Variants in FAM83B observed in about 807,000 individuals in gnomAD.
The protein encoded by FAM83B is scaffolding CK1 anchoring protein B.
Under a neutral mutation model 38.8 loss-of-function variants are expected in FAM83B, and 26 were observed. The ratio of observed to expected loss-of-function variants is 0.67; its 90% CI spans 0.49 to 0.93. FAM83B has a LOEUF of 0.93. FAM83B is among the 40% of genes least tolerant of loss of function. FAM83B has a pLI of 0.00. For missense variants in FAM83B, 1,237 were observed against 1,197.3 expected (o/e 1.03, Z -0.49); for synonymous variants, 419 against 423.1 (o/e 0.99, Z 0.12).
intron 2 of FAM83B, among the ~76,000 whole-genome samples, chr6:54,897,377 A>T (rs1169017403): frequency 1.3e-5 from 2 of 152,192 alleles, no homozygotes; most frequent in Non-Finnish European, 2.9e-5. Context: ...TTTAAATGTT[A>T]CAAATAGGAA....
At chr6:54,873,724 G>A (rs1771921603) in intron 2 of FAM83B, among the ~76,000 whole-genome samples, 1 of 150,292 alleles carries the variant, frequency 6.7e-6, no homozygotes, top group African/African-American at 2.4e-5. Context: ...ATATCTCAGG[G>A]AGAATCTTTT....
intron 2 of FAM83B, among the ~76,000 whole-genome samples, chr6:54,871,919 C>G (rs6937970): frequency 0.37 from 56,036 of 151,834 alleles, 12,620 homozygotes; most frequent in Non-Finnish European, 0.51. Flanking sequence ...CACAGAAATG[C>G]TTGCAAGAGT....
intron 2 of FAM83B, among the ~76,000 whole-genome samples, chr6:54,891,451 A>G (rs570091594): frequency 3.3e-5 from 5 of 152,240 alleles, no homozygotes; most frequent in African/African-American, 1.2e-4. Flanking sequence ...AATGTTTTAA[A>G]GACTTTTAGC....
chr6:54,883,186 G>T (rs894381671), intron 2 of FAM83B, among the ~76,000 whole-genome samples: 1 of 151,858 alleles, frequency 6.6e-6, no homozygotes, highest in Non-Finnish European at 1.5e-5. Flanking sequence ...CTTGTGATCC[G>T]CCCACCTTGG....
chr6:54,899,043 C>G (rs1176627491), intron 2 of FAM83B, among the ~76,000 whole-genome samples: 1 of 152,136 alleles, frequency 6.6e-6, no homozygotes, highest in Non-Finnish European at 1.5e-5. Flanking sequence ...GCCTGTTGCT[C>G]CAGCTAGACT....
chr6:54,896,386 A>C (rs554639812), intron 2 of FAM83B, among the ~76,000 whole-genome samples: 174 of 152,296 alleles, frequency 1.1e-3, no homozygotes, highest in African/African-American at 4.0e-3. Flanking sequence ...AGACATGCAA[A>C]GCTTGTTGGT....
At chr6:54,850,748 T>G (rs1259524467) in intron 1 of FAM83B, among the ~76,000 whole-genome samples, 1 of 152,060 alleles carries the variant, frequency 6.6e-6, no homozygotes, top group South Asian at 2.1e-4. Context: ...CGGCTGGAAA[T>G]AGTGGCTCAC....
intron 2 of FAM83B, among the ~76,000 whole-genome samples, chr6:54,890,650 C>T (rs1290310716): frequency 6.6e-6 from 1 of 151,892 alleles, no homozygotes; most frequent in Non-Finnish European, 1.5e-5. Flanking sequence ...CATTCCCTGC[C>T]CTCCCCTCAT....
chr6:54,874,619 T>G (rs1051385661), intron 2 of FAM83B, among the ~76,000 whole-genome samples: 1 of 152,186 alleles, frequency 6.6e-6, no homozygotes, highest in African/African-American at 2.4e-5. Context: ...CATTAAAGTT[T>G]TTTTTTCCTA....
rs934224476 is a variant in FAM83B at position 54,927,162 on chromosome 6, C to T, written c.610-346C>T. On this transcript the variant is annotated intron_variant, in intron 3 of 4. Coordinates refer to ENST00000306858, the MANE Select transcript of FAM83B (RefSeq NM_001010872.3). The stretch of plus-strand genomic sequence containing the variant: ...TGTATTGCTTATTAGAATCATTTCA[C>T]GTAGTATTTTCTGTTACTTTTGACT... 7.9e-5 allele frequency among the ~76,000 whole-genome samples: 12 copies of T among 152,202 alleles called. No individual in the cohort carries two copies. The East Asian group carries it at 1.2e-3, about 15-fold the overall frequency.
chr6:54,859,928 T>G (rs974225873), intron 1 of FAM83B, among the ~76,000 whole-genome samples: 14 of 152,164 alleles, frequency 9.2e-5, no homozygotes, highest in African/African-American at 2.9e-4. Flanking sequence ...TAAAAAATCT[T>G]TCCCCATTGC....
chr6:54,883,409 A>T (rs965349588), intron 2 of FAM83B, among the ~76,000 whole-genome samples: 3 of 145,616 alleles, frequency 2.1e-5, no homozygotes, highest in African/African-American at 7.7e-5. Flanking sequence ...ATCTTGGCTC[A>T]ACGCAACCTC....
intron 2 of FAM83B, among the ~76,000 whole-genome samples, chr6:54,879,546 G>A (rs1772076612): frequency 6.6e-6 from 1 of 152,150 alleles, no homozygotes; most frequent in Admixed American, 6.5e-5. Context: ...GGATAGTTTT[G>A]ATAAGTAGGA....
chr6:54,921,718 A>G (rs1256514472), intron 2 of FAM83B, among the ~76,000 whole-genome samples: 1 of 152,038 alleles, frequency 6.6e-6, no homozygotes, highest in African/African-American at 2.4e-5. Flanking sequence ...ACCTTTTGAA[A>G]AGCCTTATAC....
rs1452070924 is a variant in FAM83B, at chr6:54,943,855, A to C, written c.*1848A>C. 1.3e-5 allele frequency: 2 copies of C among 152,214 alleles called. No homozygotes were observed. 9.4% of individuals were successfully genotyped at this position (152,214 alleles called of 1,614,324 possible). On this transcript the variant is annotated 3_prime_UTR_variant, in exon 5 of 5. Transcript: ENST00000306858. Reference sequence around the variant, plus strand: ...AAAGAGTAGAAGTTTAATCATGTTTAATTACAACCAAAAGCCTGTTGCCTT... The same window carrying C: ...AAAGAGTAGAAGTTTAATCATGTTTCATTACAACCAAAAGCCTGTTGCCTT...
chr6:54,902,002 T>C (rs1354305748), intron 2 of FAM83B, among the ~76,000 whole-genome samples: 4 of 152,182 alleles, frequency 2.6e-5, no homozygotes, highest in African/African-American at 9.6e-5. Context: ...GCTATTTGCC[T>C]GAAACACTTT....
At chr6:54,867,642 T>A (rs1771742751) in intron 1 of FAM83B, among the ~76,000 whole-genome samples, 1 of 152,086 alleles carries the variant, frequency 6.6e-6, no homozygotes, top group Admixed American at 6.6e-5. Flanking sequence ...TCAGATTAAT[T>A]TATCTATGTT....
chr6:54,922,193 C>T (rs994977049), intron 2 of FAM83B, among the ~76,000 whole-genome samples: 1 of 151,936 alleles, frequency 6.6e-6, no homozygotes, highest in East Asian at 1.9e-4. Flanking sequence ...CTTTATGTAT[C>T]CTAGTAATGT....
chr6:54,846,545 G>C (rs1771136388), upstream of FAM83B, among the ~76,000 whole-genome samples: 2 of 152,222 alleles, frequency 1.3e-5, no homozygotes, highest in South Asian at 4.1e-4. Context: ...CAGGGTGTTT[G>C]AGTTCAGACA....
Sources: allele counts gnomAD v4.1 joint callset (sites outside exome capture counted in the v4.1 genomes callset), GRCh38; gene constraint gnomAD v4.1.1; transcripts MANE v1.5; gene names NCBI Gene and HGNC (gene_info 2026-07-23, HGNC 2026-07-21).